Variants in PCSK1 observed in about 807,000 individuals in gnomAD.
The protein encoded by PCSK1 is neuroendocrine convertase 1.
PCSK1 carries 56 observed loss-of-function variants against 90.6 expected under a neutral mutation model. The ratio of observed to expected loss-of-function variants is 0.62; its 90% confidence interval spans 0.50 to 0.77. PCSK1 has a LOEUF of 0.77. Among genes scored for constraint, PCSK1 ranks in the 30% least tolerant of loss-of-function variants. The pLI, the probability that PCSK1 is intolerant of heterozygous loss-of-function variation, is 0.00. For missense variants in PCSK1, 801 were observed against 932.6 expected, an observed-to-expected ratio of 0.86 and a Z score of 1.84; for synonymous variants, 348 against 342.4, an observed-to-expected ratio of 1.02 and a Z score of -0.18.
Position 96,401,266 on chromosome 5 carries a change from A to C in PCSK1, c.1197-1080T>G, listed in dbSNP as rs565492860. Among the ~76,000 whole-genome samples the C allele has an allele frequency of 1.3e-3, 199 of 152,252 alleles. 1 individual carries two copies. The highest frequency in any genetic ancestry group is 4.5e-3 in the African/African-American group (186 of 41,546). ...AAACTTTGTGGGGGAGAAATATTTG[A>C]GCTGGACTTTGACAGGGGGTAGAGT... On this transcript the variant is annotated intron_variant, in intron 9 of 13. Transcript: ENST00000311106.
chr5:96,394,890 C>A lies in PCSK1; in HGVS notation c.1858G>T (p.Val620Leu). The A allele has an allele frequency of 1.9e-6, 3 of 1,614,110 alleles. No homozygotes were observed. The highest frequency in any genetic ancestry group is 1.1e-5 in the South Asian group (1 of 91,086). Residue 620 changes from valine (V) to leucine (L), a missense_variant, in exon 13 of 14, where the codon GTG (valine) becomes TTG (leucine). Coordinates refer to ENST00000311106, the MANE Select transcript of PCSK1 (RefSeq NM_000439.5). ...TCCCCTGGATCCACCATCTTCTCCA[C>A]CCCTCTTCTGTCATTCTGAACAGTG... ...YNTVQNDRRG[V>L]EKMVDPGEEQ...
intron 5 of PCSK1, among the ~76,000 whole-genome samples, chr5:96,417,550 G>A (rs572597371): frequency 3.9e-5 from 6 of 151,986 alleles, no homozygotes; most frequent in African/African-American, 9.6e-5. Context: ...AGTCATATGG[G>A]TCTTGCTCTG....
intron 5 of PCSK1, 87 bp downstream of exon 5, chr5:96,421,793 T>A: frequency 1.2e-6 from 1 of 822,822 alleles, no homozygotes; most frequent in Non-Finnish European, 2.2e-6. Flanking sequence ...AGCACTGGAA[T>A]GTGGATGAAA....
chr5:96,426,527 A>G (rs1761313333), intron 2 of PCSK1, among the ~76,000 whole-genome samples: 1 of 152,294 alleles, frequency 6.6e-6, no homozygotes, highest in South Asian at 2.1e-4. Flanking sequence ...CTGACCACGC[A>G]CACTTACCAT....
At chr5:96,432,131 G>C in intron 1 of PCSK1, 1 of 1,535,602 alleles carries the variant, frequency 6.5e-7, no homozygotes, top group Non-Finnish European at 8.7e-7. Context: ...TAGTCAGTTC[G>C]GCATCTCGAC....
At chr5:96,412,238 G>T in intron 7 of PCSK1, 80 bp downstream of exon 7, 2 of 1,186,882 alleles carry the variant, frequency 1.7e-6, no homozygotes, top group Non-Finnish European at 2.5e-6. Flanking sequence ...GTTATTCCAT[G>T]TAACCTAAGT....
rs367699368 is a variant in PCSK1 at position 96,398,931 on chromosome 5, T to A, written c.1536A>T (p.Thr512=). 8 of 1,613,470 alleles carry A rather than the reference T, an allele frequency of 5.0e-6. No homozygotes were observed. In the African/African-American group the frequency reaches 9.3e-5, roughly 19 times the overall value. ...KSLEHVQFEA[T]IEYSRRGDLH... is the part of the protein sequence containing the mutation. Reference sequence around the variant, plus strand: ...GGTCTCCTCTTCGGGAATATTCAATTGTTGCTTCAAATTGTACATGCTCCA... The same window carrying A: ...GGTCTCCTCTTCGGGAATATTCAATAGTTGCTTCAAATTGTACATGCTCCA... The change falls in exon 11 of 14, where the codon ACA becomes ACT. Residue 512 remains threonine (T), a synonymous_variant. Transcript: ENST00000311106.
intron 8 of PCSK1, among the ~76,000 whole-genome samples, chr5:96,408,567 T>A (rs1760649489): frequency 6.6e-6 from 1 of 152,206 alleles, no homozygotes; most frequent in African/African-American, 2.4e-5. Flanking sequence ...GATGAAGTAC[T>A]CCCACTACGA....
At position 96,394,902 on chromosome 5, in the gene PCSK1, C is replaced by T. The variant is rs755723763; in HGVS notation, c.1846G>A (p.Asp616Asn). The change falls in exon 13 of 14, where the codon GAC becomes AAC. Residue 616 changes from aspartate to asparagine, a missense_variant. Asp to Asn is a conservative substitution (Grantham distance 23). Transcript: ENST00000311106. The stretch of plus-strand genomic sequence containing the variant: ...ACCATCTTCTCCACCCCTCTTCTGT[C>T]ATTCTGAACAGTGTTGTAGGACGTG... ...VYTSYNTVQN[D>N]RRGVEKMVDP... 1 of 1,614,162 alleles carries T rather than the reference C, an allele frequency of 6.2e-7. No individual in the cohort carries two copies. The highest frequency in any genetic ancestry group is 1.1e-5 in the South Asian group (1 of 91,084).
intron 2 of PCSK1, among the ~76,000 whole-genome samples, chr5:96,428,181 G>C (rs990927047): frequency 6.6e-6 from 1 of 151,902 alleles, no homozygotes; most frequent in Non-Finnish European, 1.5e-5. Context: ...TGAATAAAAG[G>C]GCAAATTATC....
At chr5:96,405,002 T>C (rs1170211741) in intron 9 of PCSK1, among the ~76,000 whole-genome samples, 2 of 152,172 alleles carry the variant, frequency 1.3e-5, no homozygotes, top group Non-Finnish European at 2.9e-5. Context: ...GGATGGCACA[T>C]GATTAAATGA....
At chr5:96,414,134 G>A (rs1250833327) in intron 6 of PCSK1, among the ~76,000 whole-genome samples, 2 of 138,446 alleles carry the variant, frequency 1.4e-5, no homozygotes, top group Non-Finnish European at 3.0e-5. Flanking sequence ...GTGAGACTCT[G>A]TCTAAAAAAA....
intron 4 of PCSK1, 82 bp from the exon 5 acceptor site, chr5:96,422,038 C>T: frequency 1.3e-6 from 1 of 776,080 alleles, no homozygotes; most frequent in Non-Finnish European, 2.2e-6. Flanking sequence ...TCCCAAGCCT[C>T]TTACCCTATG....
chr5:96,405,848 A>G (rs1175097571), intron 9 of PCSK1, among the ~76,000 whole-genome samples: 1 of 152,230 alleles, frequency 6.6e-6, no homozygotes, highest in Non-Finnish European at 1.5e-5. Context: ...TGGTCACTAT[A>G]CAAGGATGGG....
At chr5:96,406,931 A>G (rs1014373732) in intron 9 of PCSK1, among the ~76,000 whole-genome samples, 1 of 152,202 alleles carries the variant, frequency 6.6e-6, no homozygotes, top group African/African-American at 2.4e-5. Context: ...TGTGATGTGC[A>G]GTGTGAGACA....
chr5:96,417,453 C>T (rs1474551204), intron 5 of PCSK1, among the ~76,000 whole-genome samples: 2 of 151,944 alleles, frequency 1.3e-5, no homozygotes, highest in African/African-American at 4.8e-5. Context: ...GGGGCCCCTC[C>T]TCTCAGACAA....
At chr5:96,407,866 A>G (rs1472237221) in intron 9 of PCSK1, among the ~76,000 whole-genome samples, 1 of 152,236 alleles carries the variant, frequency 6.6e-6, no homozygotes, top group Non-Finnish European at 1.5e-5. Context: ...AAGAGAATAA[A>G]CAAAAGGCGT....
At chr5:96,427,231 A>G (rs1225448063) in intron 2 of PCSK1, among the ~76,000 whole-genome samples, 3 of 152,240 alleles carry the variant, frequency 2.0e-5, no homozygotes, top group Non-Finnish European at 4.4e-5. Flanking sequence ...GAAATGGGAT[A>G]TAAGAGGAGG....
In PCSK1 at chr5:96,393,349, C is replaced by G. The variant is rs939636661; in HGVS notation, c.1914G>C (p.Glu638Asp). 2 of 1,614,028 alleles carry G rather than the reference C, an allele frequency of 1.2e-6. No individual in the cohort carries two copies. Among genetic ancestry groups the G allele is most frequent in the Middle Eastern group, 1.7e-4 (1 of 6,038 alleles). ...TGGGGCTTTTGGACACCAGGGTGTT[C>G]TCCTTAGGGTTCTCTTGTGTGGGCT... ...EEQPTQENPK[E>D]NTLVSKSPSS... The change falls in exon 14 of 14, where the codon GAG becomes GAC. Residue 638 changes from glutamate to aspartate, a missense_variant. Transcript: ENST00000311106.
Sources: allele counts gnomAD v4.1 joint callset (sites outside exome capture counted in the v4.1 genomes callset), GRCh38; gene constraint gnomAD v4.1.1; transcripts MANE v1.5; gene names NCBI Gene and HGNC (gene_info 2026-07-23, HGNC 2026-07-21).